The following SRGAP3 variants were observed in gnomAD, a reference collection of about 807,000 sequenced individuals.
SRGAP3 encodes the protein SLIT-ROBO Rho GTPase activating protein 3, also known as SLIT-ROBO Rho GTPase-activating protein 3.
A neutral mutation model predicts 121.1 loss-of-function variants in SRGAP3; 39 were observed. The observed-to-expected ratio is 0.32, with a 90% confidence interval of 0.25 to 0.42. The LOEUF is 0.42. Ranked by LOEUF, SRGAP3 falls within the 10% of genes least tolerant of loss-of-function variation. The pLI is 1.00. For synonymous variants in SRGAP3, 601 were observed against 570.0 expected, an observed-to-expected ratio of 1.05 and a Z score of -0.77; for missense variants, 1,213 against 1,470.6, an observed-to-expected ratio of 0.82 and a Z score of 2.86.
intron 1 of SRGAP3, among the ~76,000 whole-genome samples, chr3:9,244,437 T>G (rs994858727): frequency 1.3e-5 from 1 of 75,550 alleles, no homozygotes; most frequent in African/African-American, 5.3e-5. Flanking sequence ...GATGAATATG[T>G]AACAAAAAAA....
intron 3 of SRGAP3, among the ~76,000 whole-genome samples, chr3:9,097,659 T>C (rs1948042510): frequency 6.6e-6 from 1 of 152,230 alleles, no homozygotes; most frequent in East Asian, 1.9e-4. Context: ...CCTTCGGGCC[T>C]GGGGAACGTA....
At position 8,994,450 on chromosome 3, in the gene SRGAP3, C is replaced by G. The variant is rs904144577; in HGVS notation, c.2301G>C (p.Lys767Asn). Reference sequence around the variant, plus strand: ...GGTGGTACAGGAGCAGCGAGGCCCCCTTCTTGAAGGATAGCTCACGCGGGG... The same window carrying G: ...GGTGGTACAGGAGCAGCGAGGCCCCGTTCTTGAAGGATAGCTCACGCGGGG... ...GRSPRELSFK[K>N]GASLLLYHRA... The change falls in exon 19 of 22, where the codon AAG (lysine) becomes AAC (asparagine). Residue 767 changes from lysine to asparagine, a missense_variant. Physicochemically the swap from Lys to Asn is moderately conservative, Grantham distance 94. Transcript: ENST00000383836. 2.5e-6 allele frequency: 4 copies of G among 1,614,120 alleles called. No individual in the cohort carries two copies. Among genetic ancestry groups the G allele is most frequent in the African/African-American group, 1.3e-5 (1 of 74,944 alleles).
At chr3:9,168,477 G>C (rs1460230363) in intron 1 of SRGAP3, among the ~76,000 whole-genome samples, 1 of 152,240 alleles carries the variant, frequency 6.6e-6, no homozygotes, top group East Asian at 1.9e-4. Flanking sequence ...CATCACGCAT[G>C]AGCAGGATGT....
chr3:9,261,746 G>C (rs888323270), intron 3 of SRGAP3, among the ~76,000 whole-genome samples: 1 of 151,832 alleles, frequency 6.6e-6, no homozygotes, highest in Non-Finnish European at 1.5e-5. Flanking sequence ...AAAGTGACAG[G>C]GAGAATGGAA....
intron 3 of SRGAP3, among the ~76,000 whole-genome samples, chr3:9,283,621 AT>A (rs1269095009): frequency 6.6e-6 from 1 of 152,198 alleles, no homozygotes; most frequent in Non-Finnish European, 1.5e-5. Context: ...GCTCATTTTA[AT>A]TATTTTTGAG....
At chr3:9,330,258 T>C (rs1265942491) in intron 2 of SRGAP3, among the ~76,000 whole-genome samples, 2 of 152,230 alleles carry the variant, frequency 1.3e-5, no homozygotes, top group African/African-American at 4.8e-5. Context: ...GCAATATTAC[T>C]GCTTACTACC....
intron 3 of SRGAP3, among the ~76,000 whole-genome samples, chr3:9,297,993 C>T (rs761194243): frequency 2.0e-5 from 3 of 152,220 alleles, no homozygotes; most frequent in Non-Finnish European, 2.9e-5. Context: ...GCCACCTACA[C>T]GCCAAGGAGA....
At chr3:9,323,829 T>A (rs371934740) in intron 3 of SRGAP3, among the ~76,000 whole-genome samples, 1 of 94,056 alleles carries the variant, frequency 1.1e-5, no homozygotes, top group African/African-American at 4.2e-5. Context: ...ACACACACAC[T>A]TATTCATATA....
upstream of SRGAP3, among the ~76,000 whole-genome samples, chr3:9,253,253 A>G (rs963359025): frequency 2.0e-5 from 3 of 152,228 alleles, no homozygotes; most frequent in African/African-American, 7.2e-5. Context: ...GCACGATTCT[A>G]TCCCGGAGGA....
At chr3:9,096,318 G>C (rs7640350) in intron 3 of SRGAP3, among the ~76,000 whole-genome samples, 7,651 of 152,134 alleles carry the variant, frequency 0.05, 283 homozygotes, top group Non-Finnish European at 0.079. Flanking sequence ...AAACTTCTGG[G>C]ATGCAGCTAA....
chr3:9,348,796 T>C (rs993890348), intron 1 of SRGAP3: 1 of 1,374,778 alleles, frequency 7.3e-7, no homozygotes, highest in Admixed American at 1.7e-5. Context: ...GGCACTCCTA[T>C]GATGTCCCAC....
intron 3 of SRGAP3, among the ~76,000 whole-genome samples, chr3:9,271,302 C>T (rs1218609691): frequency 6.6e-6 from 1 of 152,200 alleles, no homozygotes; most frequent in African/African-American, 2.4e-5. Flanking sequence ...CCACCGCACT[C>T]CAGCCTGGGC....
At chr3:9,224,600 G>A (rs894111132) in intron 1 of SRGAP3, among the ~76,000 whole-genome samples, 5 of 152,174 alleles carry the variant, frequency 3.3e-5, no homozygotes, top group Admixed American at 6.5e-5. Flanking sequence ...AAGAAAGGGC[G>A]AGTCCTTAAA....
At chr3:8,990,483 G>T in intron 21 of SRGAP3, 29 bp downstream of exon 21, 1 of 1,549,586 alleles carries the variant, frequency 6.5e-7, no homozygotes, top group Non-Finnish European at 8.7e-7. Context: ...GCTTTTGGCT[G>T]CCCAGCCTGC....
intron 12 of SRGAP3, among the ~76,000 whole-genome samples, chr3:9,030,207 C>A (rs1944413338): frequency 6.6e-6 from 1 of 152,052 alleles, no homozygotes; most frequent in Non-Finnish European, 1.5e-5. Context: ...TAGTATTTAA[C>A]AAACACACCT....
intron 3 of SRGAP3, among the ~76,000 whole-genome samples, chr3:9,286,790 G>C (rs1319828694): frequency 2.6e-5 from 4 of 151,032 alleles, no homozygotes; most frequent in Non-Finnish European, 5.9e-5. Context: ...TTTTAGTAGA[G>C]ACGGGGTCTC....
rs957116683 is a variant in SRGAP3 at position 8,984,618 on chromosome 3, C to T, written c.*901G>A. On this transcript the variant is annotated 3_prime_UTR_variant, in exon 22 of 22. Transcript: ENST00000383836. ...GTTCTCACTATCCCCCGTCTCTACA[C>T]ACAAACACAAGGATGTGGTAGTCAG... 5 of 232,618 alleles carry T rather than the reference C, an allele frequency of 2.1e-5. No homozygotes were observed. Among genetic ancestry groups the T allele is most frequent in the Non-Finnish European group, 4.2e-5 (5 of 117,682 alleles). 14.4% of individuals were successfully genotyped at this position (232,618 alleles called of 1,614,324 possible).
chr3:9,027,117 A>T, intron 12 of SRGAP3, 122 bp from the exon 13 acceptor site: 1 of 926,780 alleles, frequency 1.1e-6, no homozygotes, highest in Non-Finnish European at 1.8e-6. Flanking sequence ...GTAGGAAAAC[A>T]AGCAAGGAAC....
intron 3 of SRGAP3, among the ~76,000 whole-genome samples, chr3:9,268,614 T>A (rs1179743261): frequency 6.6e-6 from 1 of 152,036 alleles, no homozygotes; most frequent in Non-Finnish European, 1.5e-5. Flanking sequence ...AGCAGTCTTG[T>A]AAGAGACCCA....
Sources: gnomAD v4.1 joint callset for allele counts (sites outside exome capture counted in the v4.1 genomes callset) on GRCh38, gnomAD v4.1.1 for gene constraint, MANE v1.5 for transcripts, NCBI Gene and HGNC (gene_info 2026-07-23, HGNC 2026-07-21) for gene names.